SEPTIN9: variants seen among roughly 807,000 people sequenced by gnomAD.
SEPTIN9 encodes the protein septin 9.
SEPTIN9 carries 13 observed loss-of-function variants against 56.6 expected under a neutral mutation model. The observed-to-expected ratio is 0.23, with a 90% CI of 0.15 to 0.37. The LOEUF (loss-of-function observed/expected upper bound fraction) is 0.37, where lower values mean the gene tolerates loss of function less well. Ranked by LOEUF, SEPTIN9 falls within the 10% of genes least tolerant of loss-of-function variation. The pLI, the probability that SEPTIN9 is intolerant of heterozygous loss-of-function variation, is 1.00. For missense variants in SEPTIN9, 650 were observed against 823.1 expected (o/e 0.79, Z 2.57); for synonymous variants, 332 against 334.1 (o/e 0.99, Z 0.07).
At chr17:77,441,172 T>G (rs2037534552) in intron 3 of SEPTIN9, among the ~76,000 whole-genome samples, 1 of 152,178 alleles carries the variant, frequency 6.6e-6, no homozygotes, top group African/African-American at 2.4e-5. Context: ...ACAAGCTTCT[T>G]AGTTTGCCAT....
intron 2 of SEPTIN9, among the ~76,000 whole-genome samples, chr17:77,312,366 G>A (rs111330482): frequency 0.041 from 6,207 of 152,220 alleles, 171 homozygotes; most frequent in Non-Finnish European, 0.066. Flanking sequence ...GCCCAGCCTG[G>A]CCCTGATACC....
chr17:77,417,743 T>C (rs1249023807), intron 3 of SEPTIN9, among the ~76,000 whole-genome samples: 1 of 152,252 alleles, frequency 6.6e-6, no homozygotes, highest in African/African-American at 2.4e-5. Flanking sequence ...TCCGCATTCA[T>C]GTGAGGGCAC....
intron 3 of SEPTIN9, among the ~76,000 whole-genome samples, chr17:77,448,735 A>G (rs1460220034): frequency 6.6e-6 from 1 of 152,046 alleles, no homozygotes; most frequent in Non-Finnish European, 1.5e-5. Context: ...ATGATATTAA[A>G]ATTAATATCA....
Position 77,451,189 on chromosome 17 carries a change from C to A in SEPTIN9, c.722-30955C>A. On this transcript the variant is annotated intron_variant, in intron 3 of 11. Transcript: ENST00000427177. This position sits in a 1 kb window ranked among gnomAD's most constrained non-coding sequence, Gnocchi z 4.2. Reference sequence around the variant, plus strand: ...TTCCTAGCAGCTCCCCCTCACTCTTCCCAGGGACCCTGTCACTTTCCTTTA... The same window carrying A: ...TTCCTAGCAGCTCCCCCTCACTCTTACCAGGGACCCTGTCACTTTCCTTTA... The A allele has an allele frequency of 1.2e-5, 2 of 173,224 alleles. No individual in the cohort carries two copies. Among genetic ancestry groups the A allele is most frequent in the Non-Finnish European group, 2.3e-5 (2 of 87,030 alleles). The allele number at this position is 173,224 out of a possible 1,614,324, so 10.7% of individuals were successfully genotyped here.
intron 1 of SEPTIN9, among the ~76,000 whole-genome samples, chr17:77,291,091 C>T (rs1216786079): frequency 4.3e-5 from 6 of 141,044 alleles, no homozygotes; most frequent in African/African-American, 1.3e-4. Flanking sequence ...GCTGGAGTGC[C>T]GTGGTGCAAT....
chr17:77,455,632 G>T (rs564114150), intron 3 of SEPTIN9, among the ~76,000 whole-genome samples: 2 of 152,192 alleles, frequency 1.3e-5, no homozygotes, highest in Non-Finnish European at 2.9e-5. Flanking sequence ...GAACCTGCAC[G>T]CCCCCTCCAA....
chr17:77,411,810 A>T (rs1265342365), intron 3 of SEPTIN9, among the ~76,000 whole-genome samples: 1 of 152,096 alleles, frequency 6.6e-6, no homozygotes, highest in African/African-American at 2.4e-5. Flanking sequence ...CTCTTAGTGA[A>T]TTTCTGTGTC....
rs143221131 is a variant in SEPTIN9 at position 77,323,126 on chromosome 17, G to A, written c.76+15929G>A. ...AGACCTGCCCTCTTGTCCCTCCCTC[G>A]GCAGTGTCTGGCTCCGGTCTGGTTT... On this transcript the variant is annotated intron_variant, in intron 2 of 11. Coordinates refer to ENST00000427177, the MANE Select transcript of SEPTIN9 (RefSeq NM_001113491.2). The surrounding 1 kb of genome is among the most constrained non-coding windows in gnomAD (Gnocchi z 6.8). Among the ~76,000 whole-genome samples, 7 of 152,272 alleles carry A rather than the reference G, an allele frequency of 4.6e-5. No individual in the cohort carries two copies. In the South Asian group the frequency reaches 1.5e-3, roughly 32 times the overall value.
intron 4 of SEPTIN9, among the ~76,000 whole-genome samples, chr17:77,486,484 A>AGG (rs1159056191): frequency 2.5e-4 from 28 of 112,562 alleles, no homozygotes; most frequent in South Asian, 6.1e-4. Flanking sequence ...CCGAGTCTGG[A>AGG]GGGGTGTGTG....
chr17:77,495,512 G>A (rs1049331328), intron 10 of SEPTIN9, among the ~76,000 whole-genome samples: 2 of 152,258 alleles, frequency 1.3e-5, no homozygotes, highest in South Asian at 2.1e-4. Context: ...AATTGATCAC[G>A]CCATGAACTC....
At chr17:77,334,444 G>A (rs1172154575) in intron 2 of SEPTIN9, among the ~76,000 whole-genome samples, 7 of 143,880 alleles carry the variant, frequency 4.9e-5, no homozygotes, top group Non-Finnish European at 7.6e-5. Flanking sequence ...AAAAAAAAAT[G>A]TTGTTTCATA....
At chr17:77,368,584 T>C (rs1016252269) in intron 2 of SEPTIN9, among the ~76,000 whole-genome samples, 2 of 152,228 alleles carry the variant, frequency 1.3e-5, no homozygotes, top group Non-Finnish European at 2.9e-5. Context: ...AGTGCTGGGA[T>C]TACAGGCGTG....
chr17:77,414,118 G>C (rs12325707), intron 3 of SEPTIN9, among the ~76,000 whole-genome samples: 2 of 151,524 alleles, frequency 1.3e-5, no homozygotes, highest in Non-Finnish European at 2.9e-5. Context: ...CACTCTTGTC[G>C]CCTAGGCTGG....
At chr17:77,324,352 G>A (rs1046589584) in intron 2 of SEPTIN9, among the ~76,000 whole-genome samples, 3 of 152,226 alleles carry the variant, frequency 2.0e-5, no homozygotes, top group Non-Finnish European at 4.4e-5. Context: ...GTGTCTGGAT[G>A]CACAGCATGG....
Position 77,367,028 on chromosome 17 carries a change from G to C in SEPTIN9, c.77-35031G>C, listed in dbSNP as rs557169310. ...GGATCACTGGGAAGTCTGGGGAACA[G>C]ATTGGTCATGTGCTTCTTTGAGTGA... On this transcript the variant is annotated intron_variant, in intron 2 of 11. Coordinates refer to ENST00000427177, the MANE Select transcript of SEPTIN9 (RefSeq NM_001113491.2). The surrounding 1 kb of genome is among the most constrained non-coding windows in gnomAD (Gnocchi z 4.5). Among the ~76,000 whole-genome samples the C allele has an allele frequency of 2.3e-4, 35 of 152,376 alleles. No homozygotes were observed. Among genetic ancestry groups the C allele is most frequent in the Middle Eastern group, 3.4e-3 (1 of 294 alleles).
At chr17:77,356,698 C>T (rs1360536109) in intron 2 of SEPTIN9, among the ~76,000 whole-genome samples, 1 of 46,370 alleles carries the variant, frequency 2.2e-5, no homozygotes, top group African/African-American at 9.9e-5. Context: ...CACATGCAGG[C>T]ACACTCCATT....
intron 2 of SEPTIN9, among the ~76,000 whole-genome samples, chr17:77,315,034 AC>A (rs1314162089): frequency 6.6e-6 from 1 of 152,208 alleles, no homozygotes; most frequent in Non-Finnish European, 1.5e-5. Flanking sequence ...CGCACCTTTC[AC>A]TTTTGTTTCA....
intron 2 of SEPTIN9, among the ~76,000 whole-genome samples, chr17:77,353,166 C>T (rs928829190): frequency 3.3e-5 from 5 of 152,054 alleles, no homozygotes; most frequent in African/African-American, 7.2e-5. Flanking sequence ...CCAGGGTGTG[C>T]GCAGGTGGGT....
chr17:77,423,328 G>A (rs1424969187), intron 3 of SEPTIN9, among the ~76,000 whole-genome samples: 3 of 152,208 alleles, frequency 2.0e-5, no homozygotes, highest in Admixed American at 6.5e-5. Flanking sequence ...GAGCCACTGC[G>A]CCCGGCCTGA....
Sources: allele counts gnomAD v4.1 joint callset (sites outside exome capture counted in the v4.1 genomes callset), GRCh38; gene constraint gnomAD v4.1.1; non-coding constraint Gnocchi (gnomAD v3.1); transcripts MANE v1.5; gene names NCBI Gene and HGNC (gene_info 2026-07-23, HGNC 2026-07-21).